The following TNKS2 variants were observed in gnomAD, a reference collection of about 807,000 sequenced individuals.
TNKS2 encodes the protein poly [ADP-ribose] polymerase tankyrase-2.
TNKS2 carries 72 observed loss-of-function variants against 137.6 expected under a neutral mutation model. The ratio of observed to expected loss-of-function variants is 0.52; its 90% CI spans 0.43 to 0.64. TNKS2 has a LOEUF of 0.64. Ranked by LOEUF, TNKS2 falls within the 30% of genes least tolerant of loss-of-function variation. The pLI is 0.00. For synonymous variants in TNKS2, 516 were observed against 512.1 expected, an observed-to-expected ratio of 1.01 and a Z score of -0.10; for missense variants, 1,049 against 1,410.2, an observed-to-expected ratio of 0.74 and a Z score of 4.10.
intron 7 of TNKS2, among the ~76,000 whole-genome samples, chr10:91,824,837 A>T (rs1044706627): frequency 6.6e-6 from 1 of 152,230 alleles, no homozygotes; most frequent in Non-Finnish European, 1.5e-5. Flanking sequence ...TAAGTCGCAC[A>T]AGAAAAAGAT....
intron 23 of TNKS2, among the ~76,000 whole-genome samples, chr10:91,855,998 T>A (rs929151750): frequency 3.3e-5 from 5 of 152,210 alleles, no homozygotes; most frequent in African/African-American, 9.6e-5. Flanking sequence ...TACTCTATTG[T>A]AACAAAGCTG....
intron 12 of TNKS2, among the ~76,000 whole-genome samples, chr10:91,834,588 A>G (rs758194422): frequency 1.3e-5 from 2 of 152,252 alleles, no homozygotes; most frequent in Non-Finnish European, 2.9e-5. Flanking sequence ...GAAAGCTCAG[A>G]TGAGAAAAAT....
intron 3 of TNKS2, among the ~76,000 whole-genome samples, chr10:91,818,104 G>T (rs1205764838): frequency 6.6e-6 from 1 of 152,206 alleles, no homozygotes; most frequent in East Asian, 1.9e-4. Flanking sequence ...CTATCAATCA[G>T]TGTTCATTTT....
At position 91,807,062 on chromosome 10, in the gene TNKS2, C is replaced by G. The variant is rs1844345043; in HGVS notation, c.200-5921C>G. 3 of 1,286,196 alleles carry G rather than the reference C, an allele frequency of 2.3e-6. No homozygotes were observed. The South Asian group carries it at 4.3e-5, about 19-fold the overall frequency. 79.7% of individuals were successfully genotyped at this position (1,286,196 alleles called of 1,614,324 possible). A position where few individuals can be genotyped will look rare whatever the true frequency, so the allele number is the denominator to read the frequency against. On this transcript the variant is annotated intron_variant, in intron 1 of 26. Coordinates refer to ENST00000371627, the MANE Select transcript of TNKS2 (RefSeq NM_025235.4). ...TAAAAAGAAAATTACAAAAAATGAC[C>G]TCTAAGCTTCTGAACAGTCCACTTA...
At position 91,857,496 on chromosome 10, in the gene TNKS2, C is replaced by A; in HGVS notation, c.3060C>A (p.Asn1020Lys). 1 of 1,611,592 alleles carries A rather than the reference C, an allele frequency of 6.2e-7. No individual in the cohort carries two copies. Among genetic ancestry groups the A allele is most frequent in the Non-Finnish European group, 8.5e-7 (1 of 1,178,370 alleles). Reference sequence around the variant, plus strand: ...GGAGAAAAGAAGTTTCTGAAGAAAACCACAACCATGCCAATGAACGAATGC... The same window carrying A: ...GGAGAAAAGAAGTTTCTGAAGAAAAACACAACCATGCCAATGAACGAATGC... ...THRRKEVSEE[N>K]HNHANERMLF... Residue 1020 changes from asparagine (N) to lysine (K), a missense_variant, in exon 24 of 27, where the codon AAC becomes AAA. Coordinates refer to ENST00000371627, the MANE Select transcript of TNKS2 (RefSeq NM_025235.4).
intron 8 of TNKS2, among the ~76,000 whole-genome samples, chr10:91,827,522 A>C (rs980235309): frequency 6.6e-6 from 1 of 152,206 alleles, no homozygotes; most frequent in Non-Finnish European, 1.5e-5. Flanking sequence ...TGTTTAATCT[A>C]TGAAGCTTAT....
chr10:91,812,160 C>T (rs1343756888), intron 1 of TNKS2, among the ~76,000 whole-genome samples: 3 of 152,016 alleles, frequency 2.0e-5, no homozygotes, highest in Admixed American at 6.5e-5. Context: ...TCTGCTTTAA[C>T]ATATGCCTGA....
At position 91,831,109 on chromosome 10, in the gene TNKS2, G is replaced by C. The variant is rs777287138; in HGVS notation, c.1203G>C (p.Leu401Phe). ...ANINEKTKEF[L>F]TPLHVASEKA... ...CTGATTTTTTCTCTCTAAGATTCTT[G>C]ACTCCTCTGCACGTGGCATCTGAGA... The change falls in exon 11 of 27, where the codon TTG becomes TTC. Residue 401 changes from leucine to phenylalanine, a missense_variant. Coordinates refer to ENST00000371627, the MANE Select transcript of TNKS2 (RefSeq NM_025235.4). 3 of 1,613,848 alleles carry C rather than the reference G, an allele frequency of 1.9e-6. No individual in the cohort carries two copies. Among genetic ancestry groups the C allele is most frequent in the Non-Finnish European group, 2.5e-6 (3 of 1,179,906 alleles).
intron 23 of TNKS2, among the ~76,000 whole-genome samples, chr10:91,855,961 AATACTTTAT>A (rs1842692908): frequency 6.6e-6 from 1 of 152,196 alleles, no homozygotes. Context: ...CTATAGGTTC[AATACTTTAT>A]ATAAAGTACT....
chr10:91,798,618 CCTCCTGCTCGCGGGGCCGGGG>C lies in TNKS2; in HGVS notation c.-63_-43del, dbSNP rs1314471282. ...GCGCGTCTTCTCCGGGGGGCCTCGC[CCTCCTGCTCGCGGGGCCGGGG>C]CTCCTGCTCCGGTTGCTGGCGCTGT... On this transcript the variant is annotated 5_prime_UTR_variant, in exon 1 of 27. Coordinates refer to ENST00000371627, the MANE Select transcript of TNKS2 (RefSeq NM_025235.4). The C allele has an allele frequency of 9.1e-6, 11 of 1,207,038 alleles. No individual in the cohort carries two copies. The highest frequency in any genetic ancestry group is 4.2e-5 in the South Asian group (1 of 23,570). The allele number at this position is 1,207,038 out of a possible 1,614,324, so 74.8% of individuals were successfully genotyped here.
At chr10:91,811,923 G>T (rs1389246810) in intron 1 of TNKS2, among the ~76,000 whole-genome samples, 4 of 152,188 alleles carry the variant, frequency 2.6e-5, no homozygotes, top group Non-Finnish European at 5.9e-5. Flanking sequence ...AGCCAAGCAT[G>T]GTGGCGGGTG....
intron 1 of TNKS2, among the ~76,000 whole-genome samples, chr10:91,811,474 A>G (rs751429788): frequency 1.3e-5 from 2 of 151,954 alleles, no homozygotes; most frequent in Non-Finnish European, 2.9e-5. Flanking sequence ...CTTTATATAT[A>G]CATAGCAATT....
chr10:91,824,751 A>G (rs1252654820), intron 7 of TNKS2, among the ~76,000 whole-genome samples: 1 of 152,220 alleles, frequency 6.6e-6, no homozygotes, highest in African/African-American at 2.4e-5. Flanking sequence ...GCTCAAAACC[A>G]TCTCACCAGG....
intron 7 of TNKS2, among the ~76,000 whole-genome samples, chr10:91,826,567 A>T (rs937260823): frequency 2.0e-5 from 3 of 152,236 alleles, no homozygotes; most frequent in African/African-American, 7.2e-5. Flanking sequence ...TATATCTAAT[A>T]TGTGGCCAGA....
intron 12 of TNKS2, among the ~76,000 whole-genome samples, chr10:91,835,769 G>A (rs889159682): frequency 1.2e-4 from 18 of 150,622 alleles, no homozygotes; most frequent in African/African-American, 3.7e-4. Context: ...CTGAGAGTGC[G>A]CCTAACTTTT....
chr10:91,863,039 C>G lies in TNKS2; in HGVS notation c.*40C>G. On this transcript the variant is annotated 3_prime_UTR_variant, in exon 27 of 27. Coordinates refer to ENST00000371627, the MANE Select transcript of TNKS2 (RefSeq NM_025235.4). ...AAACTAATTCCACTGAACCTAAAAT[C>G]ATCAAAGCAGCAGTGGCCTCTACGT... 2 of 1,481,276 alleles carry G rather than the reference C, an allele frequency of 1.4e-6. No homozygotes were observed. Among genetic ancestry groups the G allele is most frequent in the Non-Finnish European group, 1.9e-6 (2 of 1,064,700 alleles). The allele number at this position is 1,481,276 out of a possible 1,614,324, so 91.8% of individuals were successfully genotyped here.
At chr10:91,808,691 A>C (rs1169510100) in intron 1 of TNKS2, among the ~76,000 whole-genome samples, 1 of 152,190 alleles carries the variant, frequency 6.6e-6, no homozygotes, top group Non-Finnish European at 1.5e-5. Flanking sequence ...TTAAGCAAAC[A>C]TTCTGGAATT....
chr10:91,855,739 T>G, intron 23 of TNKS2, 51 bp downstream of exon 23: 1 of 1,359,898 alleles, frequency 7.4e-7, no homozygotes, highest in Non-Finnish European at 1.0e-6. Context: ...TTTCAAAGCC[T>G]GAAGCCATAA....
intron 6 of TNKS2, 135 bp downstream of exon 6, chr10:91,820,168 T>A (rs1844842695): frequency 2.0e-6 from 1 of 504,502 alleles, no homozygotes; most frequent in Non-Finnish European, 3.3e-6. Context: ...TACAGGTTGC[T>A]CTGAGGGCGC....
Sources: gnomAD v4.1 joint callset for allele counts (sites outside exome capture counted in the v4.1 genomes callset) on GRCh38, gnomAD v4.1.1 for gene constraint, MANE v1.5 for transcripts, NCBI Gene and HGNC (gene_info 2026-07-23, HGNC 2026-07-21) for gene names.